The following EVI5 variants were observed in gnomAD, a reference collection of about 807,000 sequenced individuals.
EVI5 encodes ecotropic viral integration site 5 protein homolog.
A neutral mutation model predicts 112.0 loss-of-function variants in EVI5; 73 were observed. That is an observed-to-expected ratio of 0.65 (90% CI 0.54 to 0.79). EVI5 has a LOEUF of 0.79. Ranked by LOEUF, EVI5 falls within the 30% of genes least tolerant of loss-of-function variation. The pLI is 0.00. For missense variants in EVI5, 900 were observed against 968.8 expected (o/e 0.93, Z 0.94); for synonymous variants, 305 against 319.9 (o/e 0.95, Z 0.50).
At chr1:92,527,853 T>C (rs1662188513) in intron 19 of EVI5, among the ~76,000 whole-genome samples, 1 of 152,208 alleles carries the variant, frequency 6.6e-6, no homozygotes, top group Non-Finnish European at 1.5e-5. Context: ...TGTGATTACA[T>C]CATAATTTAT....
intron 14 of EVI5, among the ~76,000 whole-genome samples, chr1:92,635,531 C>T (rs921472633): frequency 4.6e-5 from 7 of 152,148 alleles, no homozygotes; most frequent in African/African-American, 9.7e-5. Context: ...ATCGGAAAAG[C>T]GCAGTATTAG....
chr1:92,615,129 C>T (rs528756921), intron 16 of EVI5, among the ~76,000 whole-genome samples: 10 of 152,014 alleles, frequency 6.6e-5, no homozygotes, highest in East Asian at 1.9e-4. Context: ...TAGAGAGTTA[C>T]GCAAAATAAA....
chr1:92,621,112 T>C (rs1053908037), intron 16 of EVI5, among the ~76,000 whole-genome samples: 1 of 151,874 alleles, frequency 6.6e-6, no homozygotes, highest in Non-Finnish European at 1.5e-5. Flanking sequence ...AATAAATAAG[T>C]CAAATGTGAA....
chr1:92,525,922 A>T (rs936875935), intron 19 of EVI5, among the ~76,000 whole-genome samples: 1 of 152,188 alleles, frequency 6.6e-6, no homozygotes, highest in Non-Finnish European at 1.5e-5. Context: ...GATTATCTCT[A>T]TGGAAACCCA....
chr1:92,671,872 A>G (rs905454305), intron 10 of EVI5, among the ~76,000 whole-genome samples: 5 of 148,434 alleles, frequency 3.4e-5, no homozygotes, highest in Non-Finnish European at 7.4e-5. Flanking sequence ...GCATGATCAC[A>G]GCTCACTGCA....
chr1:92,720,905 G>T (rs1301046073), intron 2 of EVI5, among the ~76,000 whole-genome samples: 3 of 152,036 alleles, frequency 2.0e-5, no homozygotes, highest in Non-Finnish European at 2.9e-5. Context: ...CATTTATGCA[G>T]CATACAAATG....
chr1:92,559,034 A>G (rs1668112186), intron 19 of EVI5, among the ~76,000 whole-genome samples: 1 of 152,162 alleles, frequency 6.6e-6, no homozygotes, highest in Non-Finnish European at 1.5e-5. Flanking sequence ...AAACCCATGG[A>G]TGCACAAGTC....
At chr1:92,649,781 G>A (rs1661753357) in intron 13 of EVI5, among the ~76,000 whole-genome samples, 2 of 152,102 alleles carry the variant, frequency 1.3e-5, no homozygotes, top group Admixed American at 6.6e-5. Flanking sequence ...CCTTACACTC[G>A]AGCCTGGCGA....
At position 92,697,891 on chromosome 1, in the gene EVI5, A is replaced by G. The variant is rs201620518; in HGVS notation, c.734T>C (p.Leu245Pro). Residue 245 changes from leucine to proline, a missense_variant, in exon 6 of 20, where the codon CTT becomes CCT. Transcript: ENST00000684568. ...CATACATTCAAACTGGTACATACAA[A>G]GGCCCAATTCTGCCATACTTGGTTT... is the stretch of plus-strand genomic sequence containing the variant. ...LFKPSMAELG[L>P]CMYQFECMIQ... is the part of the protein sequence containing the mutation. The G allele has an allele frequency of 3.1e-6, 5 of 1,613,098 alleles. No homozygotes were observed. The highest frequency in any genetic ancestry group is 4.2e-6 in the Non-Finnish European group (5 of 1,179,260).
chr1:92,785,615 A>C (rs935048925), upstream of EVI5, among the ~76,000 whole-genome samples: 2 of 152,238 alleles, frequency 1.3e-5, no homozygotes, highest in Non-Finnish European at 2.9e-5. Flanking sequence ...TGCAGGGGGC[A>C]GAACATGGGC....
At chr1:92,733,599 A>G (rs1233157566) in intron 2 of EVI5, among the ~76,000 whole-genome samples, 1 of 151,402 alleles carries the variant, frequency 6.6e-6, no homozygotes, top group African/African-American at 2.4e-5. Flanking sequence ...TTTAGTAAAG[A>G]TGAGGTTTCA....
intron 19 of EVI5, among the ~76,000 whole-genome samples, chr1:92,527,330 G>A (rs1571322274): frequency 6.7e-6 from 1 of 149,038 alleles, no homozygotes; most frequent in Admixed American, 6.8e-5. Flanking sequence ...TAGGAGACTC[G>A]GTTGAACCTG....
rs190387241 is a variant in EVI5 at position 92,713,778 on chromosome 1, T to C, written c.150-9034A>G. On this transcript the variant is annotated intron_variant, in intron 2 of 19. Coordinates refer to ENST00000684568, the MANE Select transcript of EVI5 (RefSeq NM_001350197.2). ...GCCGACAGAGTAAGACCCTGTCTCA[T>C]AAATCAATAAACCACTTCTTTTTCT... 2.9e-3 allele frequency among the ~76,000 whole-genome samples: 437 copies of C among 152,146 alleles called. 1 individual carries two copies. Among genetic ancestry groups the C allele is most frequent in the Middle Eastern group, 0.014 (4 of 294 alleles).
At chr1:92,657,228 A>G (rs1326244623) in intron 13 of EVI5, among the ~76,000 whole-genome samples, 2 of 152,244 alleles carry the variant, frequency 1.3e-5, no homozygotes, top group African/African-American at 4.8e-5. Flanking sequence ...TTCAACATAA[A>G]TAAATCAATA....
At position 92,605,351 on chromosome 1, in the gene EVI5, C is replaced by T. The variant is rs1314270195; in HGVS notation, c.2026G>A (p.Ala676Thr). 1 of 1,613,726 alleles carries T rather than the reference C, an allele frequency of 6.2e-7. No homozygotes were observed. The highest frequency in any genetic ancestry group is 1.7e-5 in the Admixed American group (1 of 60,022). ...VRLREADSIA[A>T]VAELRQHIAE... is the part of the protein sequence containing the mutation. ...ATGTGTTGTCGTAGTTCAGCCACAGCAGCTATGCTATCTGCTTCCCGAAGC... is the reference window on the plus strand; with the variant it reads ...ATGTGTTGTCGTAGTTCAGCCACAGTAGCTATGCTATCTGCTTCCCGAAGC... The change falls in exon 18 of 20, where the codon GCT (alanine) becomes ACT (threonine). Residue 676 changes from alanine to threonine, a missense_variant. By Grantham distance (58) the Ala-to-Thr change is moderately conservative. Coordinates refer to ENST00000684568, the MANE Select transcript of EVI5 (RefSeq NM_001350197.2).
intron 13 of EVI5, among the ~76,000 whole-genome samples, chr1:92,659,765 A>C (rs1335947377): frequency 6.6e-6 from 1 of 152,002 alleles, no homozygotes; most frequent in African/African-American, 2.4e-5. Flanking sequence ...AAATCATTAT[A>C]TCAAAGATAC....
chr1:92,721,830 G>C (rs1299179389), intron 2 of EVI5, among the ~76,000 whole-genome samples: 2 of 152,060 alleles, frequency 1.3e-5, no homozygotes, highest in East Asian at 3.9e-4. Context: ...ATAACGCTTT[G>C]TGTATTTTAG....
chr1:92,654,156 C>A (rs1249532303), intron 13 of EVI5, among the ~76,000 whole-genome samples: 1 of 152,094 alleles, frequency 6.6e-6, no homozygotes, highest in African/African-American at 2.4e-5. Context: ...ACAGCCCAGC[C>A]CATTGCCTGA....
intron 18 of EVI5, among the ~76,000 whole-genome samples, chr1:92,603,534 A>G (rs1649643519): frequency 6.6e-6 from 1 of 152,110 alleles, no homozygotes; most frequent in Non-Finnish European, 1.5e-5. Flanking sequence ...AAATTTGTAA[A>G]TATACTATAA....
Sources: allele counts gnomAD v4.1 joint callset (sites outside exome capture counted in the v4.1 genomes callset), GRCh38; gene constraint gnomAD v4.1.1; transcripts MANE v1.5; gene names NCBI Gene and HGNC (gene_info 2026-07-23, HGNC 2026-07-21).